PCDHGA4: variants seen among roughly 807,000 people sequenced by gnomAD.
The protein encoded by PCDHGA4 is protocadherin gamma-A4.
PCDHGA4 carries 38 observed loss-of-function variants against 54.6 expected under a neutral mutation model. The ratio of observed to expected loss-of-function variants is 0.70; its 90% CI spans 0.54 to 0.91. The LOEUF is 0.91. PCDHGA4 is among the 40% of genes least tolerant of loss of function. PCDHGA4 has a pLI of 0.00. For missense variants in PCDHGA4, 1,298 were observed against 1,220.9 expected, an observed-to-expected ratio of 1.06 and a Z score of -0.94; for synonymous variants, 511 against 512.9, an observed-to-expected ratio of 1.00 and a Z score of 0.05.
In PCDHGA4 at chr5:141,359,357, G is replaced by C. The variant is rs952787963; in HGVS notation, c.2514+1736G>C. Reference sequence around the variant, plus strand: ...GAATGAGAGTGCCACATGTTTTAAAGGCCTAGGAAAGCAGTAGATAATTTA... The same window carrying C: ...GAATGAGAGTGCCACATGTTTTAAACGCCTAGGAAAGCAGTAGATAATTTA... On this transcript the variant is annotated intron_variant, in intron 1 of 3. Transcript: ENST00000571252. Among the ~76,000 whole-genome samples, 72 of 151,956 alleles carry C rather than the reference G, an allele frequency of 4.7e-4. 2 individuals carry two copies. The highest frequency in any genetic ancestry group is 5.9e-5 in the Non-Finnish European group (4 of 67,988).
At chr5:141,503,479 G>A (rs1203644194) in intron 2 of PCDHGA4, among the ~76,000 whole-genome samples, 5 of 151,616 alleles carry the variant, frequency 3.3e-5, no homozygotes, top group African/African-American at 9.7e-5. Context: ...TGCACTTGTC[G>A]TCCCAGCTGC....
At chr5:141,430,301 C>G (rs985986465) in intron 1 of PCDHGA4, among the ~76,000 whole-genome samples, 2 of 150,982 alleles carry the variant, frequency 1.3e-5, no homozygotes, top group Non-Finnish European at 2.9e-5. Context: ...AGCAGATGCA[C>G]TAACATTATA....
intron 1 of PCDHGA4, chr5:141,370,690 A>C: frequency 1.2e-6 from 2 of 1,613,828 alleles, no homozygotes; most frequent in African/African-American, 2.7e-5. Flanking sequence ...TGTGGCAAGA[A>C]GTCGACGTGT....
At position 141,485,681 on chromosome 5, in the gene PCDHGA4, T is replaced by A; in HGVS notation, c.2515-9126T>A. The A allele has an allele frequency of 6.2e-7, 1 of 1,614,074 alleles. No homozygotes were observed. The highest frequency in any genetic ancestry group is 8.5e-7 in the Non-Finnish European group (1 of 1,179,966). ...TGTGGGGAGCAATTCGATTAGCAGC[T>A]ATAGGCTGAGCTCCAATGAACACTT... On this transcript the variant is annotated intron_variant, in intron 1 of 3. Transcript: ENST00000571252. The surrounding 1 kb of genome is among the most constrained non-coding windows in gnomAD (Gnocchi z 5.7).
chr5:141,444,152 ATTTTTTTTTTTTTT>A (rs747671382), intron 1 of PCDHGA4, among the ~76,000 whole-genome samples: 241 of 33,882 alleles, frequency 7.1e-3, no homozygotes, highest in African/African-American at 0.019. Flanking sequence ...TGTGTACTGG[ATTTTTTTTTTTTTT>A]TTTTTTTTTT....
chr5:141,360,337 G>A (rs752357718), intron 1 of PCDHGA4: 1 of 1,613,974 alleles, frequency 6.2e-7, no homozygotes, highest in East Asian at 2.2e-5. Context: ...GAAGCTGCGG[G>A]TTAGCGCGGA....
intron 1 of PCDHGA4, chr5:141,361,161 T>C (rs1761911989): frequency 1.2e-6 from 2 of 1,613,838 alleles, no homozygotes; most frequent in African/African-American, 1.3e-5. Flanking sequence ...ATGACAACGA[T>C]TGTGCACCTG....
At chr5:141,410,006 G>T (rs1201569227) in intron 1 of PCDHGA4, 8 of 1,613,274 alleles carry the variant, frequency 5.0e-6, no homozygotes, top group Non-Finnish European at 5.1e-6. Context: ...GGGACACAAC[G>T]CCTGGCTGTC....
chr5:141,383,087 G>A, intron 1 of PCDHGA4: 2 of 1,613,912 alleles, frequency 1.2e-6, no homozygotes, highest in Non-Finnish European at 1.7e-6. Flanking sequence ...GCGGAGCGCG[G>A]AGTCCGCATC....
intron 1 of PCDHGA4, among the ~76,000 whole-genome samples, chr5:141,437,623 T>G (rs887878119): frequency 3.3e-5 from 5 of 152,172 alleles, no homozygotes; most frequent in Non-Finnish European, 7.4e-5. Context: ...TATCCCCATA[T>G]AAGATGTCAG....
chr5:141,444,237 T>G (rs1315900009), intron 1 of PCDHGA4, among the ~76,000 whole-genome samples: 1 of 137,132 alleles, frequency 7.3e-6, no homozygotes, highest in Admixed American at 8.0e-5. Flanking sequence ...AATGGCATGC[T>G]CTCGGCTCAC....
intron 1 of PCDHGA4, chr5:141,422,846 A>T: frequency 2.5e-6 from 4 of 1,614,102 alleles, no homozygotes; most frequent in Non-Finnish European, 3.4e-6. Flanking sequence ...GACAGCGGGG[A>T]CCCGCCCCTC....
At chr5:141,427,056 T>C (rs1472513807) in intron 1 of PCDHGA4, 1 of 457,676 alleles carries the variant, frequency 2.2e-6, no homozygotes, top group Non-Finnish European at 4.4e-6. Flanking sequence ...CCCAGGCACC[T>C]CTGTACTAAA....
intron 1 of PCDHGA4, chr5:141,413,431 G>T (rs963192857): frequency 1.9e-6 from 3 of 1,614,092 alleles, no homozygotes; most frequent in Non-Finnish European, 2.5e-6. Context: ...CCCGCGCAGC[G>T]GCAGCTTGAT....
In PCDHGA4 at chr5:141,486,872, C is replaced by T. The variant is rs1320632059; in HGVS notation, c.2515-7935C>T. On this transcript the variant is annotated intron_variant, in intron 1 of 3. Transcript: ENST00000571252. The surrounding 1 kb of genome is among the most constrained non-coding windows in gnomAD (Gnocchi z 5.0). ...CAATGACAATGCTCCAGCTGTGCTC[C>T]GTCCTCGGGCCCGGCCTGGTTCCTT... The T allele has an allele frequency of 3.7e-6, 6 of 1,614,232 alleles. No individual in the cohort carries two copies. Among genetic ancestry groups the T allele is most frequent in the African/African-American group, 1.3e-5 (1 of 75,070 alleles).
intron 3 of PCDHGA4, among the ~76,000 whole-genome samples, chr5:141,510,208 G>A (rs560746333): frequency 2.0e-5 from 3 of 151,866 alleles, no homozygotes; most frequent in Admixed American, 1.3e-4. Context: ...AGGAGGCAGA[G>A]GTTGCAGTGA....
At chr5:141,360,429 G>A (rs1283628345) in intron 1 of PCDHGA4, 2 of 1,614,004 alleles carry the variant, frequency 1.2e-6, no homozygotes, top group Non-Finnish European at 8.5e-7. Flanking sequence ...TATGCGGGAA[G>A]CAGCCTCTGT....
chr5:141,409,278 A>C, intron 1 of PCDHGA4: 1 of 1,614,022 alleles, frequency 6.2e-7, no homozygotes, highest in Non-Finnish European at 8.5e-7. Flanking sequence ...ATTTTGGAGA[A>C]TTCACCTCCA....
At position 141,477,855 on chromosome 5, in the gene PCDHGA4, T is replaced by C; in HGVS notation, c.2515-16952T>C. The C allele has an allele frequency of 1.2e-6, 2 of 1,613,698 alleles. No individual in the cohort carries two copies. The highest frequency in any genetic ancestry group is 1.7e-6 in the Non-Finnish European group (2 of 1,179,882). On this transcript the variant is annotated intron_variant, in intron 1 of 3. Coordinates refer to ENST00000571252, the MANE Select transcript of PCDHGA4 (RefSeq NM_018917.4). The surrounding 1 kb of genome is among the most constrained non-coding windows in gnomAD (Gnocchi z 4.9). ...CCAGGTGGGAGCTCGGTGGAGATGC[T>C]GCCTCGAGGTACCTCAGCTGGCCAC...
Sources: gnomAD v4.1 joint callset for allele counts (sites outside exome capture counted in the v4.1 genomes callset) on GRCh38, gnomAD v4.1.1 for gene constraint, Gnocchi (gnomAD v3.1) non-coding constraint, MANE v1.5 for transcripts, NCBI Gene and HGNC (gene_info 2026-07-23, HGNC 2026-07-21) for gene names.